The following CSMD1 variants were observed in gnomAD, a reference collection of about 807,000 sequenced individuals.
CSMD1 encodes CUB and sushi domain-containing protein 1.
A neutral mutation model predicts 417.5 loss-of-function variants in CSMD1; 213 were observed. The observed-to-expected ratio is 0.51, with a 90% CI of 0.46 to 0.57. The LOEUF is 0.57. CSMD1 is among the 20% of genes least tolerant of loss of function. CSMD1 has a pLI of 0.00. For synonymous variants in CSMD1, 2,862 were observed against 1,736.8 expected (o/e 1.65, Z -16.11); for missense variants, 6,923 against 4,529.7 (o/e 1.53, Z -15.17).
intron 2 of CSMD1, among the ~76,000 whole-genome samples, chr8:4,428,740 G>C (rs894274534): frequency 6.6e-6 from 1 of 152,044 alleles, no homozygotes; most frequent in Non-Finnish European, 1.5e-5. Flanking sequence ...TATTTATTGA[G>C]AAGGAGTCTA....
intron 7 of CSMD1, among the ~76,000 whole-genome samples, chr8:3,661,123 A>G (rs1798396415): frequency 1.3e-5 from 2 of 152,178 alleles, no homozygotes; most frequent in African/African-American, 2.4e-5. Flanking sequence ...CAAACTAAAT[A>G]TAGCCTGAGG....
chr8:2,946,918 T>A (rs1802279389), intron 68 of CSMD1, among the ~76,000 whole-genome samples: 1 of 152,218 alleles, frequency 6.6e-6, no homozygotes, highest in Admixed American at 6.6e-5. Context: ...ACAGCCATCC[T>A]TGTGGACATG....
chr8:3,396,604 C>G (rs1811716283), intron 16 of CSMD1, among the ~76,000 whole-genome samples: 2 of 152,026 alleles, frequency 1.3e-5, no homozygotes, highest in Non-Finnish European at 1.5e-5. Flanking sequence ...AATATTCTGT[C>G]TTACAATATT....
chr8:3,284,448 A>G (rs1802990696), intron 25 of CSMD1, 102 bp from the exon 26 acceptor site: 4 of 797,072 alleles, frequency 5.0e-6, no homozygotes, highest in South Asian at 4.8e-5. Flanking sequence ...CACAACCCCC[A>G]CCAACATGTG....
chr8:4,425,547 A>C (rs2128943103), intron 2 of CSMD1, among the ~76,000 whole-genome samples: 1 of 152,220 alleles, frequency 6.6e-6, no homozygotes, highest in Admixed American at 6.6e-5. Flanking sequence ...GGAGCTGGCA[A>C]GACTCACTCC....
At position 3,367,262 on chromosome 8, in the gene CSMD1, C is replaced by CG. The variant is rs765788753; in HGVS notation, c.2900-16dup. 4 of 1,576,254 alleles carry CG rather than the reference C, an allele frequency of 2.5e-6. No individual in the cohort carries two copies. Among genetic ancestry groups the CG allele is most frequent in the Non-Finnish European group, 3.5e-6 (4 of 1,155,474 alleles). On this transcript the variant is annotated splice_polypyrimidine_tract_variant and intron_variant, in intron 19 of 69. Coordinates refer to ENST00000635120, the MANE Select transcript of CSMD1 (RefSeq NM_033225.6). ...CATTTGAACTCCTGAGAAATGAAGC[C>CG]GGGGGAGAGAGAGAGAGACAGAGAG...
At position 4,760,512 on chromosome 8, in the gene CSMD1, G is replaced by C. The variant is rs188043348; in HGVS notation, c.86-122954C>G. ...AAACCCATTAATTTCCCAATCAATA[G>C]AAAGCTTTTAAATTTGAATATTCTT... On this transcript the variant is annotated intron_variant, in intron 1 of 69. Transcript: ENST00000635120. 1.6e-3 allele frequency among the ~76,000 whole-genome samples: 242 copies of C among 152,228 alleles called. 1 individual carries two copies. Among genetic ancestry groups the C allele is most frequent in the Non-Finnish European group, 2.8e-3 (192 of 68,006 alleles).
intron 26 of CSMD1, among the ~76,000 whole-genome samples, chr8:3,247,778 C>G (rs1000112222): frequency 6.6e-6 from 1 of 152,146 alleles, no homozygotes; most frequent in South Asian, 2.1e-4. Context: ...CAACAAAAAA[C>G]CAAATTACAC....
chr8:3,969,214 C>T (rs530937580), intron 5 of CSMD1, among the ~76,000 whole-genome samples: 1 of 152,180 alleles, frequency 6.6e-6, no homozygotes, highest in East Asian at 1.9e-4. Context: ...CGTGACACTG[C>T]ACTCCAGCCT....
chr8:3,151,647 C>T (rs544298226), intron 39 of CSMD1, 134 bp from the exon 40 acceptor site: 16 of 607,202 alleles, frequency 2.6e-5, no homozygotes, highest in East Asian at 2.2e-4. Context: ...TTACAGCACA[C>T]GATACAATGC....
Position 4,908,587 on chromosome 8 carries a change from G to C in CSMD1, c.85+85745C>G, listed in dbSNP as rs558145672. On this transcript the variant is annotated intron_variant, in intron 1 of 69. Transcript: ENST00000635120. ...TTCTCTTTTCATTTCAATGTAGAGA[G>C]TTTTTATTCAACAGCAGTCAAGCTC... Among the ~76,000 whole-genome samples, 5 of 149,616 alleles carry C rather than the reference G, an allele frequency of 3.3e-5. No individual in the cohort carries two copies. The South Asian group carries it at 8.6e-4, about 26-fold the overall frequency.
At chr8:3,645,382 G>T (rs1371147992) in intron 7 of CSMD1, among the ~76,000 whole-genome samples, 1 of 152,232 alleles carries the variant, frequency 6.6e-6, no homozygotes, top group Non-Finnish European at 1.5e-5. Context: ...TAGCCAGATT[G>T]GGGTTGAAGC....
intron 1 of CSMD1, among the ~76,000 whole-genome samples, chr8:4,697,273 A>G (rs1399084235): frequency 6.6e-6 from 1 of 152,212 alleles, no homozygotes; most frequent in Non-Finnish European, 1.5e-5. Context: ...ACATATAGCA[A>G]GACAAGATGA....
At chr8:4,075,850 T>C (rs1799793618) in intron 3 of CSMD1, among the ~76,000 whole-genome samples, 2 of 152,192 alleles carry the variant, frequency 1.3e-5, no homozygotes, top group African/African-American at 2.4e-5. Flanking sequence ...GCTATTGTCC[T>C]CAGGGAGCCA....
At chr8:3,505,968 G>C (rs557100595) in intron 10 of CSMD1, among the ~76,000 whole-genome samples, 3 of 152,172 alleles carry the variant, frequency 2.0e-5, no homozygotes, top group African/African-American at 7.2e-5. Flanking sequence ...CAGAAAGGAA[G>C]AGGGTTGAGT....
intron 5 of CSMD1, among the ~76,000 whole-genome samples, chr8:3,858,510 C>G (rs1284687352): frequency 6.6e-6 from 1 of 152,096 alleles, no homozygotes; most frequent in Non-Finnish European, 1.5e-5. Context: ...AATGGAAGGC[C>G]TACTTAATTT....
At chr8:4,047,689 A>C (rs1437312241) in intron 3 of CSMD1, among the ~76,000 whole-genome samples, 1 of 152,228 alleles carries the variant, frequency 6.6e-6, no homozygotes, top group African/African-American at 2.4e-5. Context: ...CCATTAAAAA[A>C]ATAAAATTTG....
chr8:3,724,228 AG>A (rs1802359649), intron 6 of CSMD1, among the ~76,000 whole-genome samples: 1 of 151,552 alleles, frequency 6.6e-6, no homozygotes, highest in Non-Finnish European at 1.5e-5. Context: ...TTTAAGTTTT[AG>A]GGTACATGTG....
chr8:3,458,768 C>A (rs1281424712), intron 12 of CSMD1, among the ~76,000 whole-genome samples: 1 of 152,120 alleles, frequency 6.6e-6, no homozygotes, highest in Non-Finnish European at 1.5e-5. Context: ...TACTAAATGG[C>A]TCACCAAGAT....
Sources: gnomAD v4.1 joint callset for allele counts (sites outside exome capture counted in the v4.1 genomes callset) on GRCh38, gnomAD v4.1.1 for gene constraint, MANE v1.5 for transcripts, NCBI Gene and HGNC (gene_info 2026-07-23, HGNC 2026-07-21) for gene names.